Variants in DDX46 observed in about 807,000 individuals in gnomAD.
DDX46 encodes probable ATP-dependent RNA helicase DDX46.
Under a neutral mutation model 134.9 loss-of-function variants are expected in DDX46, and 30 were observed. That is an observed-to-expected ratio of 0.22 (90% confidence interval 0.17 to 0.30). The LOEUF (loss-of-function observed/expected upper bound fraction) is 0.30. Ranked by LOEUF, DDX46 falls within the 10% of genes least tolerant of loss-of-function variation. DDX46 has a pLI of 1.00. For synonymous variants in DDX46, 415 were observed against 404.1 expected, an observed-to-expected ratio of 1.03 and a Z score of -0.32; for missense variants, 622 against 1,248.7, an observed-to-expected ratio of 0.50 and a Z score of 7.56.
chr5:134,821,872 A>T (rs767198940), intron 21 of DDX46, among the ~76,000 whole-genome samples: 2 of 145,330 alleles, frequency 1.4e-5, no homozygotes, highest in African/African-American at 2.5e-5. Flanking sequence ...TTCTTTTGCT[A>T]TATGTATTTT....
At chr5:134,760,248 G>C (rs1165098889) in intron 1 of DDX46, among the ~76,000 whole-genome samples, 1 of 152,158 alleles carries the variant, frequency 6.6e-6, no homozygotes, top group Non-Finnish European at 1.5e-5. Context: ...GTCCATTCTA[G>C]CCCGTCAGCC....
intron 15 of DDX46, 50 bp from the exon 16 acceptor site, chr5:134,807,698 A>G (rs745530108): frequency 1.3e-6 from 2 of 1,523,658 alleles, no homozygotes; most frequent in Non-Finnish European, 8.9e-7. Context: ...GTCAGAAGAC[A>G]TGGAAAATTT....
At position 134,773,716 on chromosome 5, in the gene DDX46, G is replaced by A; in HGVS notation, c.468G>A (p.Leu156=). ...KDAGNFDQNK[L]EEEMRKRKER... ...CCAAGAACTTTGACCAGAATAAGCTGGAAGAAGAAATGAGAAAGCGAAAAG... is the reference window on the plus strand; with the variant it reads ...CCAAGAACTTTGACCAGAATAAGCTAGAAGAAGAAATGAGAAAGCGAAAAG... Residue 156 remains leucine (L), a synonymous_variant, in exon 5 of 23, where the codon CTG becomes CTA. Transcript: ENST00000452510. The A allele has an allele frequency of 1.2e-6, 2 of 1,607,920 alleles. No individual in the cohort carries two copies. Among genetic ancestry groups the A allele is most frequent in the Non-Finnish European group, 8.5e-7 (1 of 1,177,082 alleles).
chr5:134,806,778 T>C (rs188118594), intron 15 of DDX46, among the ~76,000 whole-genome samples: 19 of 152,330 alleles, frequency 1.2e-4, no homozygotes, highest in Admixed American at 9.8e-4. Flanking sequence ...TGAGAGTTTA[T>C]CTTATTCCCT....
At position 134,811,326 on chromosome 5, in the gene DDX46, C is replaced by T. The variant is rs972928234; in HGVS notation, c.2254C>T (p.Leu752=). The change falls in exon 17 of 23, where the codon CTG becomes TTG. Residue 752 remains leucine (L), a synonymous_variant. Coordinates refer to ENST00000452510, the MANE Select transcript of DDX46 (RefSeq NM_001300860.2). ...GTAVPPDLEK[L]WSDFKDQQKA... ...TGCAGTACCTCCTGATTTAGAGAAA[C>T]TGTGGAGTGATTTCAAAGATCAGCA... is the stretch of plus-strand genomic sequence containing the variant. 6.2e-7 allele frequency: 1 copy of T among 1,614,022 alleles called. No homozygotes were observed. The highest frequency in any genetic ancestry group is 1.3e-5 in the African/African-American group (1 of 75,040).
chr5:134,818,282 C>CG (rs1379821680), intron 20 of DDX46, among the ~76,000 whole-genome samples: 2 of 151,234 alleles, frequency 1.3e-5, no homozygotes, highest in Non-Finnish European at 3.0e-5. Flanking sequence ...TTAGTAGAGA[C>CG]GGGGTTTCTC....
intron 16 of DDX46, among the ~76,000 whole-genome samples, chr5:134,809,596 C>T (rs1298028719): frequency 5.9e-5 from 9 of 152,028 alleles, no homozygotes; most frequent in Admixed American, 2.6e-4. Context: ...AGGATGGTCT[C>T]GATCTCCTGA....
chr5:134,772,913 T>G (rs1013871928), intron 4 of DDX46, among the ~76,000 whole-genome samples: 2 of 152,178 alleles, frequency 1.3e-5, no homozygotes, highest in African/African-American at 2.4e-5. Context: ...GCAATTCTCC[T>G]GCTTCAGCCT....
At chr5:134,769,528 G>GT (rs1338526745) in intron 3 of DDX46, among the ~76,000 whole-genome samples, 13 of 131,310 alleles carry the variant, frequency 9.9e-5, no homozygotes, top group African/African-American at 2.0e-4. Context: ...GACGGGGTTT[G>GT]TTTTTTTTGT....
intron 1 of DDX46, among the ~76,000 whole-genome samples, chr5:134,762,249 CA>C (rs748727468): frequency 3.3e-3 from 308 of 93,388 alleles, no homozygotes; most frequent in Admixed American, 3.7e-3. Context: ...CATCTCTACC[CA>C]AAAAAAAAAA....
At chr5:134,799,901 C>G (rs889234796) in intron 15 of DDX46, among the ~76,000 whole-genome samples, 2 of 151,942 alleles carry the variant, frequency 1.3e-5, no homozygotes, top group African/African-American at 4.8e-5. Flanking sequence ...CAAAAAAAAT[C>G]TAAGAAATTT....
At chr5:134,818,323 A>G (rs1580818687) in intron 20 of DDX46, among the ~76,000 whole-genome samples, 1 of 150,516 alleles carries the variant, frequency 6.6e-6, no homozygotes, top group Non-Finnish European at 1.5e-5. Context: ...CGAACTCCCA[A>G]CCTCAGGTGA....
intron 15 of DDX46, chr5:134,804,742 G>A: frequency 3.8e-6 from 1 of 261,980 alleles, no homozygotes; most frequent in South Asian, 3.9e-5. Flanking sequence ...ATTTTTTTTA[G>A]TCTTTTAATT....
rs1755134607 is a variant in DDX46, at chr5:134,811,257, C to T, written c.2185C>T (p.Arg729Cys). The T allele has an allele frequency of 1.9e-6, 3 of 1,613,846 alleles. No individual in the cohort carries two copies. The highest frequency in any genetic ancestry group is 1.3e-5 in the African/African-American group (1 of 74,892). The part of the protein sequence containing the change: ...AYTFITEDQA[R>C]YAGDIIKALE... ...TACTTTTATCACAGAGGATCAAGCT[C>T]GCTATGCTGGTGACATAATTAAAGC... is the stretch of plus-strand genomic sequence containing the variant. Residue 729 changes from arginine to cysteine, a missense_variant, in exon 17 of 23, where the codon CGC becomes TGC. Physicochemically the swap from Arg to Cys is radical, Grantham distance 180. Transcript: ENST00000452510.
At chr5:134,819,983 G>T (rs917072990) in intron 21 of DDX46, among the ~76,000 whole-genome samples, 1 of 151,654 alleles carries the variant, frequency 6.6e-6, no homozygotes, top group Admixed American at 6.6e-5. Flanking sequence ...GTGCAATAGC[G>T]CGATCTTGAC....
chr5:134,793,292 T>A (rs1240669319), intron 13 of DDX46, among the ~76,000 whole-genome samples: 1 of 152,218 alleles, frequency 6.6e-6, no homozygotes, highest in Non-Finnish European at 1.5e-5. Context: ...GTCATGTAAA[T>A]GAAAGCTAGT....
intron 2 of DDX46, among the ~76,000 whole-genome samples, chr5:134,766,343 C>T (rs1044110455): frequency 1.3e-5 from 2 of 151,216 alleles, no homozygotes; most frequent in Admixed American, 6.6e-5. Context: ...AGATCACCTG[C>T]GGTTGGGAGT....
At chr5:134,818,386 G>A (rs967746721) in intron 20 of DDX46, among the ~76,000 whole-genome samples, 3 of 150,848 alleles carry the variant, frequency 2.0e-5, no homozygotes, top group African/African-American at 2.4e-5. Flanking sequence ...GAGCCATCAC[G>A]CCCGGCCAAT....
At chr5:134,803,899 A>ACAAGTGAT (rs1199646279) in intron 15 of DDX46, among the ~76,000 whole-genome samples, 1 of 150,796 alleles carries the variant, frequency 6.6e-6, no homozygotes, top group Non-Finnish European at 1.5e-5. Flanking sequence ...AAAGAGAATG[A>ACAAGTGAT]CAAGTGATGA....
Sources: gnomAD v4.1 joint callset for allele counts (sites outside exome capture counted in the v4.1 genomes callset) on GRCh38, gnomAD v4.1.1 for gene constraint, MANE v1.5 for transcripts, NCBI Gene and HGNC (gene_info 2026-07-23, HGNC 2026-07-21) for gene names.